RASSF3: variants seen among roughly 807,000 people sequenced by gnomAD.
RASSF3 encodes the protein Ras association domain family member 3.
A neutral mutation model predicts 19.9 loss-of-function variants in RASSF3; 19 were observed. That is an observed-to-expected ratio of 0.96 (90% CI 0.67 to 1.40). The LOEUF is 1.40. RASSF3 is among the 40% of genes most tolerant of loss of function. RASSF3 has a pLI of 0.00. For synonymous variants in RASSF3, 110 were observed against 104.2 expected (o/e 1.06, Z -0.34); for missense variants, 306 against 289.8 (o/e 1.06, Z -0.41).
At chr12:64,566,456 A>C (rs576293625) in intron 2 of RASSF3, among the ~76,000 whole-genome samples, 57 of 152,342 alleles carry the variant, frequency 3.7e-4, no homozygotes, top group African/African-American at 1.2e-3. Context: ...CGGGCCTTGC[A>C]CCTGGTGGGA....
chr12:64,659,653 A>C (rs1443477754), intron 1 of RASSF3, among the ~76,000 whole-genome samples: 1 of 152,136 alleles, frequency 6.6e-6, no homozygotes, highest in Non-Finnish European at 1.5e-5. Context: ...TCAAATGCTA[A>C]TAATAATAAT....
At chr12:64,656,380 T>C (rs1872160133) in intron 1 of RASSF3, among the ~76,000 whole-genome samples, 1 of 152,122 alleles carries the variant, frequency 6.6e-6, no homozygotes, top group Admixed American at 6.6e-5. Context: ...TTGTGCAACT[T>C]TGTGAATATA....
downstream of RASSF3, among the ~76,000 whole-genome samples, chr12:64,544,270 G>A (rs1869012244): frequency 6.6e-6 from 1 of 151,918 alleles, no homozygotes; most frequent in Non-Finnish European, 1.5e-5. Context: ...CAGACGCACT[G>A]CCTTAAGAGC....
At chr12:64,631,610 C>A (rs112349563) in intron 1 of RASSF3, among the ~76,000 whole-genome samples, 1 of 152,082 alleles carries the variant, frequency 6.6e-6, no homozygotes, top group Non-Finnish European at 1.5e-5. Context: ...CTTGCTCTGT[C>A]GCCCAGGCTG....
chr12:64,646,796 G>A (rs528840747), intron 1 of RASSF3, among the ~76,000 whole-genome samples: 56 of 150,034 alleles, frequency 3.7e-4, no homozygotes, highest in African/African-American at 1.3e-3. Context: ...GGAATAATAT[G>A]CCTGTGTGTA....
intron 1 of RASSF3, among the ~76,000 whole-genome samples, chr12:64,668,519 T>G (rs1872596793): frequency 6.6e-6 from 1 of 152,068 alleles, no homozygotes; most frequent in South Asian, 2.1e-4. Flanking sequence ...GCGATCTGCC[T>G]GACTTAGGCT....
chr12:64,570,667 C>T (rs540523520), intron 2 of RASSF3, among the ~76,000 whole-genome samples: 70 of 152,272 alleles, frequency 4.6e-4, no homozygotes, highest in African/African-American at 1.5e-3. Context: ...TTTCTAAGAG[C>T]TGTTTAGCTG....
intron 1 of RASSF3, among the ~76,000 whole-genome samples, chr12:64,520,089 G>A (rs1242735479): frequency 6.6e-6 from 1 of 151,958 alleles, no homozygotes; most frequent in African/African-American, 2.4e-5. Context: ...ATTGAAACCT[G>A]GCACACAATA....
Position 64,696,638 on chromosome 12 carries a change from C to A in RASSF3, c.*1726C>A, listed in dbSNP as rs1457293409. ...CATTTCTGTTCGTCTCTTGGTGGCT[C>A]TTCTGACTTTTTGGAGAATACCCAT... On this transcript the variant is annotated 3_prime_UTR_variant, in exon 5 of 5. Transcript: ENST00000542104. 6.6e-6 allele frequency: 1 copy of A among 151,888 alleles called. No homozygotes were observed. The highest frequency in any genetic ancestry group is 2.4e-5 in the African/African-American group (1 of 41,320). The allele number at this position is 151,888 out of a possible 1,614,324, so 9.4% of individuals were successfully genotyped here. A position where few individuals can be genotyped will look rare whatever the true frequency, so the allele number is the denominator to read the frequency against.
chr12:64,684,614 A>G (rs753740659), intron 1 of RASSF3, among the ~76,000 whole-genome samples, 173 bp from the exon 2 acceptor site: 1 of 151,754 alleles, frequency 6.6e-6, no homozygotes, highest in Non-Finnish European at 1.5e-5. Flanking sequence ...TAATTTTAGT[A>G]GAGACAGGGT....
upstream of RASSF3, chr12:64,609,374 G>C (rs1229987835): frequency 1.3e-5 from 2 of 152,236 alleles, no homozygotes; most frequent in African/African-American, 4.8e-5. Context: ...GATTGAAGGA[G>C]ATAATGTAAG....
chr12:64,543,437 C>CCCCGGCT (rs1592395518), downstream of RASSF3, among the ~76,000 whole-genome samples: 2 of 46,584 alleles, frequency 4.3e-5, no homozygotes, highest in Non-Finnish European at 8.3e-5. Flanking sequence ...CCGCCCGCCC[C>CCCCGGCT]CCCCGTGCCC....
At chr12:64,516,556 T>C (rs954762556) in intron 1 of RASSF3, among the ~76,000 whole-genome samples, 22 of 148,432 alleles carry the variant, frequency 1.5e-4, no homozygotes, top group African/African-American at 4.0e-4. Context: ...GAGGCGGAGC[T>C]TGCAGTGAGC....
intron 2 of RASSF3, among the ~76,000 whole-genome samples, chr12:64,569,892 G>A (rs1295561234): frequency 1.3e-5 from 2 of 152,182 alleles, no homozygotes; most frequent in Non-Finnish European, 2.9e-5. Flanking sequence ...TTGAACCGGG[G>A]AGGCGGAGAT....
intron 1 of RASSF3, among the ~76,000 whole-genome samples, chr12:64,536,403 G>A (rs1190476401): frequency 1.3e-5 from 2 of 152,138 alleles, no homozygotes; most frequent in African/African-American, 4.8e-5. Flanking sequence ...AAATAATTAT[G>A]ATGGAGAAAC....
At chr12:64,606,419 A>G (rs927315436), upstream of RASSF3, among the ~76,000 whole-genome samples, 8 of 152,270 alleles carry the variant, frequency 5.3e-5, no homozygotes, top group Non-Finnish European at 1.2e-4. Context: ...GCTTGATCCT[A>G]TTCTATGCCA....
At chr12:64,554,930 TAC>T (rs1869231500) in intron 2 of RASSF3, among the ~76,000 whole-genome samples, 1 of 152,134 alleles carries the variant, frequency 6.6e-6, no homozygotes. Context: ...TTCTGGATCT[TAC>T]AGTTTTATTG....
intron 1 of RASSF3, among the ~76,000 whole-genome samples, chr12:64,670,370 G>GTTTT (rs113065463): frequency 0.016 from 2,242 of 143,700 alleles, 35 homozygotes; most frequent in South Asian, 0.054. Flanking sequence ...AGATTTTACT[G>GTTTT]TTTTTTTTTT....
upstream of RASSF3, among the ~76,000 whole-genome samples, chr12:64,607,565 G>A (rs899579559): frequency 6.6e-6 from 1 of 151,912 alleles, no homozygotes; most frequent in Non-Finnish European, 1.5e-5. Flanking sequence ...GTAGAGATGG[G>A]GGTTTCACCA....
Sources: gnomAD v4.1 joint callset for allele counts (sites outside exome capture counted in the v4.1 genomes callset) on GRCh38, gnomAD v4.1.1 for gene constraint, MANE v1.5 for transcripts, NCBI Gene and HGNC (gene_info 2026-07-23, HGNC 2026-07-21) for gene names.